Variants in RPS27A observed in about 807,000 individuals in gnomAD.
RPS27A encodes the protein ribosomal protein S27a.
A neutral mutation model predicts 18.9 loss-of-function variants in RPS27A; 1 was observed. The observed-to-expected ratio is 0.05, with a 90% CI of 0.02 to 0.25. The LOEUF is 0.25. Ranked by LOEUF, RPS27A falls within the 10% of genes least tolerant of loss-of-function variation. RPS27A has a pLI of 1.00. For synonymous variants in RPS27A, 77 were observed against 63.7 expected (o/e 1.21, Z -0.99); for missense variants, 123 against 187.4 (o/e 0.66, Z 2.01).
chr2:55,232,300 T>G, upstream of RPS27A: 1 of 201,600 alleles, frequency 5.0e-6, no homozygotes, highest in Non-Finnish European at 1.0e-5. Flanking sequence ...ATCTGGGAGG[T>G]GGAACTGCAT....
At chr2:55,233,057 G>T (rs760520311) in intron 2 of RPS27A, 185 bp downstream of exon 2, 2 of 684,518 alleles carry the variant, frequency 2.9e-6, no homozygotes, top group East Asian at 5.4e-5. Flanking sequence ...CCAAAGGCTG[G>T]ACCTGTCTCC....
chr2:55,233,816 G>T, intron 3 of RPS27A: 2 of 497,052 alleles, frequency 4.0e-6, no homozygotes, highest in South Asian at 2.1e-5. Flanking sequence ...TTTTAGTAGA[G>T]ACTGGGTTTT....
intron 5 of RPS27A, 182 bp downstream of exon 5, chr2:55,235,144 G>A (rs1675723998): frequency 6.4e-6 from 5 of 781,464 alleles, no homozygotes; most frequent in Non-Finnish European, 1.0e-5. Context: ...TTTGGTATTT[G>A]AAATCAGTTA....
rs1558539545 is a variant in RPS27A at position 55,234,812 on chromosome 2, T to C, written c.190-19T>C. 2.5e-6 allele frequency: 4 copies of C among 1,611,824 alleles called. No homozygotes were observed. Among genetic ancestry groups the C allele is most frequent in the Non-Finnish European group, 3.4e-6 (4 of 1,179,848 alleles). Reference sequence around the variant, plus strand: ...TCTTAGTGGAATCATGAAAGCTTGCTTCATTCTTCCATTAACAGGAGTCTA... The same window carrying C: ...TCTTAGTGGAATCATGAAAGCTTGCCTCATTCTTCCATTAACAGGAGTCTA... On this transcript the variant is annotated intron_variant, in intron 4 of 5. Coordinates refer to ENST00000272317, the MANE Select transcript of RPS27A (RefSeq NM_002954.6).
intron 3 of RPS27A, chr2:55,233,819 T>G (rs1675640410): frequency 2.0e-6 from 1 of 499,756 alleles, no homozygotes; most frequent in Non-Finnish European, 3.6e-6. Context: ...TAGTAGAGAC[T>G]GGGTTTTACC....
chr2:55,233,327 T>G (rs765017267), intron 2 of RPS27A, 36 bp from the exon 3 acceptor site: 4 of 1,547,386 alleles, frequency 2.6e-6, no homozygotes, highest in Non-Finnish European at 2.7e-6. Context: ...AGTTCCTTAA[T>G]GTGTAACCAA....
At position 55,234,751 on chromosome 2, in the gene RPS27A, T is replaced by C. The variant is rs1207039553; in HGVS notation, c.190-80T>C. On this transcript the variant is annotated intron_variant, in intron 4 of 5. Coordinates refer to ENST00000272317, the MANE Select transcript of RPS27A (RefSeq NM_002954.6). ...AATGTTATTGTGTGCTGCTACTGCTTTTAATTAGAAAATGCATAATGTTGG... is the reference window on the plus strand; with the variant it reads ...AATGTTATTGTGTGCTGCTACTGCTCTTAATTAGAAAATGCATAATGTTGG... 3 of 1,542,946 alleles carry C rather than the reference T, an allele frequency of 1.9e-6. No individual in the cohort carries two copies. The East Asian group carries it at 6.8e-5, about 35-fold the overall frequency.
Position 55,234,222 on chromosome 2 carries a change from GCAGCCT to G in RPS27A, c.189+20_189+25del. On this transcript the variant is annotated intron_variant, in intron 4 of 5. Transcript: ENST00000272317. ...TTCAAAAGGTCTGTCTAGGGGAAGA[GCAGCCT>G]CTTTTAAAAAAAAAATGTTATTTTG... The G allele has an allele frequency of 6.6e-7, 1 of 1,525,800 alleles. No individual in the cohort carries two copies. Among genetic ancestry groups the G allele is most frequent in the African/African-American group, 1.4e-5 (1 of 73,178 alleles). The allele number at this position is 1,525,800 out of a possible 1,614,324, so 94.5% of individuals were successfully genotyped here.
chr2:55,235,710 A>C lies in RPS27A; in HGVS notation c.*133A>C. 9.6e-7 allele frequency: 1 copy of C among 1,044,722 alleles called. No homozygotes were observed. Among genetic ancestry groups the C allele is most frequent in the Non-Finnish European group, 1.4e-6 (1 of 694,004 alleles). 64.7% of individuals were successfully genotyped at this position (1,044,722 alleles called of 1,614,324 possible). Reference sequence around the variant, plus strand: ...GTAGTGCTACTGCTATCGCTGTGTGAATGTTGCCTCTGGGGATTATGTGAC... The same window carrying C: ...GTAGTGCTACTGCTATCGCTGTGTGCATGTTGCCTCTGGGGATTATGTGAC... On this transcript the variant is annotated 3_prime_UTR_variant, in exon 6 of 6. Coordinates refer to ENST00000272317, the MANE Select transcript of RPS27A (RefSeq NM_002954.6).
intron 2 of RPS27A, 132 bp from the exon 3 acceptor site, chr2:55,233,231 G>T: frequency 1.2e-6 from 1 of 802,498 alleles, no homozygotes; most frequent in Non-Finnish European, 2.1e-6. Flanking sequence ...TTGCCCACTG[G>T]GTGGGTAATA....
intron 1 of RPS27A, 49 bp from the exon 2 acceptor site, chr2:55,232,759 C>G: frequency 6.9e-7 from 1 of 1,457,450 alleles, no homozygotes; most frequent in Non-Finnish European, 9.5e-7. Context: ...ATGGTGCCTT[C>G]TCTTGTGATC....
intron 3 of RPS27A, chr2:55,233,869 A>G (rs1675644493): frequency 7.1e-6 from 4 of 562,874 alleles, no homozygotes; most frequent in Non-Finnish European, 1.3e-5. Context: ...ACATCAAGTG[A>G]TCTGCCCACC....
chr2:55,232,679 G>A (rs556773707), upstream of RPS27A: 16 of 772,744 alleles, frequency 2.1e-5, no homozygotes, highest in South Asian at 1.9e-4. Flanking sequence ...GGCCTGCGCG[G>A]CGTTCTTCCT....
chr2:55,233,328 G>T lies in RPS27A; in HGVS notation c.49-35G>T. The stretch of plus-strand genomic sequence containing the variant: ...ATGAGTTCTGCTGTAGTTCCTTAAT[G>T]TGTAACCAACATGCTTTCACTTTAA... On this transcript the variant is annotated intron_variant, in intron 2 of 5. Transcript: ENST00000272317. 1.9e-6 allele frequency: 3 copies of T among 1,564,182 alleles called. No individual in the cohort carries two copies. The South Asian group carries it at 3.3e-5, about 17-fold the overall frequency.
At chr2:55,235,014 ACTTAAT>A (rs1412496567) in intron 5 of RPS27A, 52 bp downstream of exon 5, 18 of 1,595,704 alleles carry the variant, frequency 1.1e-5, no homozygotes, top group South Asian at 2.2e-5. Flanking sequence ...TATTTGGAAA[ACTTAAT>A]CTTTATAGTA....
intron 4 of RPS27A, chr2:55,234,541 C>G (rs947664456): frequency 5.5e-6 from 3 of 545,200 alleles, no homozygotes; most frequent in African/African-American, 3.8e-5. Context: ...AAATGGCATT[C>G]GAATAGCAGT....
chr2:55,234,215 G>A lies in RPS27A; in HGVS notation c.189+11G>A, dbSNP rs371167362. On this transcript the variant is annotated intron_variant, in intron 4 of 5. Transcript: ENST00000272317. ...TACAATATTCAAAAGGTCTGTCTAG[G>A]GGAAGAGCAGCCTCTTTTAAAAAAA... 1.9e-6 allele frequency: 3 copies of A among 1,551,464 alleles called. No individual in the cohort carries two copies. Among genetic ancestry groups the A allele is most frequent in the Non-Finnish European group, 1.8e-6 (2 of 1,122,796 alleles).
chr2:55,234,322 A>G, intron 4 of RPS27A, 118 bp downstream of exon 4: 1 of 748,028 alleles, frequency 1.3e-6, no homozygotes, highest in Admixed American at 2.1e-5. Context: ...TGAGTGGCGC[A>G]GTCACTGCAA....
In RPS27A at chr2:55,235,629, G is replaced by A. The variant is rs536517684; in HGVS notation, c.*52G>A. On this transcript the variant is annotated 3_prime_UTR_variant, in exon 6 of 6. Transcript: ENST00000272317. ...CTAACATTTATTGTTGGGTTTTATT[G>A]CAGTAAAAAGAATGGTTTTTAAGCA... is the stretch of plus-strand genomic sequence containing the variant. 42 of 1,587,410 alleles carry A rather than the reference G, an allele frequency of 2.6e-5. No homozygotes were observed. In the South Asian group the frequency reaches 4.6e-4, roughly 18 times the overall value.
Sources: gnomAD v4.1 joint callset for allele counts on GRCh38, gnomAD v4.1.1 for gene constraint, MANE v1.5 for transcripts, NCBI Gene and HGNC (gene_info 2026-07-23, HGNC 2026-07-21) for gene names.